BANP: variants seen among roughly 807,000 people sequenced by gnomAD.
BANP encodes protein BANP.
Under a neutral mutation model 68.1 loss-of-function variants are expected in BANP, and 11 were observed. The ratio of observed to expected loss-of-function variants is 0.16; its 90% CI spans 0.10 to 0.27. The LOEUF (loss-of-function observed/expected upper bound fraction) is 0.27, where lower values mean the gene tolerates loss of function less well. BANP is among the 10% of genes least tolerant of loss of function. The pLI, the probability that BANP is intolerant of heterozygous loss-of-function variation, is 1.00. For missense variants in BANP, 504 were observed against 722.7 expected (o/e 0.70, Z 3.47); for synonymous variants, 329 against 303.2 (o/e 1.09, Z -0.88).
At chr16:87,980,468 A>G (rs1473830835) in intron 2 of BANP, 1 of 152,914 alleles carries the variant, frequency 6.5e-6, no homozygotes, top group Non-Finnish European at 1.5e-5. Flanking sequence ...AGCCGTGACG[A>G]TCACCTGACG....
intron 11 of BANP, among the ~76,000 whole-genome samples, chr16:88,046,417 C>T (rs1034265185): frequency 1.3e-5 from 2 of 152,212 alleles, no homozygotes; most frequent in Non-Finnish European, 1.5e-5. Context: ...GTGAATTAAA[C>T]GGTTTGGTAA....
At chr16:88,075,141 T>A (rs969220021) in intron 13 of BANP, among the ~76,000 whole-genome samples, 14 of 151,240 alleles carry the variant, frequency 9.3e-5, no homozygotes, top group Non-Finnish European at 1.9e-4. Flanking sequence ...AGGTCAGGAG[T>A]TCGAGACCAG....
rs552282675 is a variant in BANP at position 87,980,064 on chromosome 16, C to T, written c.71-972C>T. Among the ~76,000 whole-genome samples the T allele has an allele frequency of 3.9e-5, 6 of 152,252 alleles. No homozygotes were observed. In the South Asian group the frequency reaches 6.2e-4, roughly 16 times the overall value. On this transcript the variant is annotated intron_variant, in intron 2 of 13. Transcript: ENST00000682872. ...GGTCTCGCACCTCCCACATGTATGC[C>T]GTTTGTTTATCTCAATGTGTGAGCA...
At chr16:88,008,835 C>T (rs1011062963) in intron 6 of BANP, among the ~76,000 whole-genome samples, 1 of 152,182 alleles carries the variant, frequency 6.6e-6, no homozygotes, top group African/African-American at 2.4e-5. Context: ...TTTTTCTCAT[C>T]TTAAATTTGA....
At chr16:87,972,160 T>A (rs1293571788) in intron 1 of BANP, among the ~76,000 whole-genome samples, 4 of 152,196 alleles carry the variant, frequency 2.6e-5, no homozygotes, top group Admixed American at 2.6e-4. Flanking sequence ...ATGTGCTACT[T>A]TTTCTTGAGC....
intron 2 of BANP, among the ~76,000 whole-genome samples, chr16:87,975,730 C>T (rs549927022): frequency 6.7e-6 from 1 of 148,180 alleles, no homozygotes; most frequent in Admixed American, 6.7e-5. Flanking sequence ...GTCATGGAAC[C>T]TTCCCATGTT....
At chr16:88,001,648 T>C (rs941029231) in intron 4 of BANP, among the ~76,000 whole-genome samples, 1 of 152,248 alleles carries the variant, frequency 6.6e-6, no homozygotes, top group Non-Finnish European at 1.5e-5. Flanking sequence ...ATAATATTGA[T>C]CTTTAAAAAC....
intron 11 of BANP, among the ~76,000 whole-genome samples, chr16:88,041,376 G>T (rs1476462202): frequency 2.6e-5 from 4 of 152,170 alleles, no homozygotes; most frequent in Non-Finnish European, 5.9e-5. Flanking sequence ...TGCTGCGTTG[G>T]TGTGACCCTG....
At chr16:87,979,614 G>C (rs1008332978) in intron 2 of BANP, among the ~76,000 whole-genome samples, 4 of 152,184 alleles carry the variant, frequency 2.6e-5, no homozygotes, top group Non-Finnish European at 5.9e-5. Context: ...CTGCTTGGCT[G>C]TGGTGTTGGT....
rs1418543312 is a variant in BANP, at chr16:88,071,430, C to T, written c.1378-639C>T. On this transcript the variant is annotated intron_variant, in intron 12 of 13. Coordinates refer to ENST00000682872, the MANE Select transcript of BANP (RefSeq NM_001386991.1). This position sits in a 1 kb window ranked among gnomAD's most constrained non-coding sequence, Gnocchi z 6.5. ...GAGCCCACCCAGGGGCCTCGCCTGTCCCCCATTCTCATTCCATACTCTGGG... is the reference window on the plus strand; with the variant it reads ...GAGCCCACCCAGGGGCCTCGCCTGTTCCCCATTCTCATTCCATACTCTGGG... The T allele has an allele frequency of 4.4e-6, 2 of 455,716 alleles. No homozygotes were observed. Among genetic ancestry groups the T allele is most frequent in the South Asian group, 1.6e-5 (1 of 64,512 alleles). 28.2% of individuals were successfully genotyped at this position (455,716 alleles called of 1,614,324 possible).
chr16:88,036,637 G>T lies in BANP; in HGVS notation c.1272+1243G>T, dbSNP rs1335256384. 2.6e-5 allele frequency among the ~76,000 whole-genome samples: 4 copies of T among 152,170 alleles called. No homozygotes were observed. The highest frequency in any genetic ancestry group is 4.8e-5 in the African/African-American group (2 of 41,430). On this transcript the variant is annotated intron_variant, in intron 10 of 13. Transcript: ENST00000682872. This position sits in a 1 kb window ranked among gnomAD's most constrained non-coding sequence, Gnocchi z 4.2. ...TCTGAGGGCGGAATGAGGATGAGGT[G>T]AAAGGGGAGGAACGAATTCATGTGG...
Position 88,018,782 on chromosome 16 carries a change from A to G in BANP, c.895+115A>G. 7.4e-7 allele frequency: 1 copy of G among 1,350,442 alleles called. No individual in the cohort carries two copies. The highest frequency in any genetic ancestry group is 9.9e-7 in the Non-Finnish European group (1 of 1,006,412). 83.7% of individuals were successfully genotyped at this position (1,350,442 alleles called of 1,614,324 possible). ...CACCGGCACGGGGCTGCGTTTCTCCAGGCGGTTTGAAATCTCAGCCCGAGG... is the reference window on the plus strand; with the variant it reads ...CACCGGCACGGGGCTGCGTTTCTCCGGGCGGTTTGAAATCTCAGCCCGAGG... On this transcript the variant is annotated intron_variant, in intron 7 of 13. Transcript: ENST00000682872. The surrounding 1 kb of genome is among the most constrained non-coding windows in gnomAD (Gnocchi z 7.7).
chr16:87,978,208 G>T (rs1212168413), intron 2 of BANP, among the ~76,000 whole-genome samples: 1 of 152,190 alleles, frequency 6.6e-6, no homozygotes, highest in African/African-American at 2.4e-5. Flanking sequence ...CAGAATTATA[G>T]AAAGGAACAC....
rs562556784 is a variant in BANP at position 88,076,291 on chromosome 16, G to A, written c.1522-299G>A. On this transcript the variant is annotated intron_variant, in intron 13 of 13. Coordinates refer to ENST00000682872, the MANE Select transcript of BANP (RefSeq NM_001386991.1). ...TACTTCCCAGTGAGGCAGCGGGTTG[G>A]GGGTGGAGAGGCAGGAGCAGCTGCT... 3.9e-5 allele frequency among the ~76,000 whole-genome samples: 6 copies of A among 152,292 alleles called. No homozygotes were observed. The East Asian group carries it at 7.7e-4, about 20-fold the overall frequency.
chr16:87,983,149 C>G lies in BANP; in HGVS notation c.163-911C>G, dbSNP rs145230384. ...TGGGCAGGAAAGGAGAGAGAAAAGA[C>G]GAAACACGAATTCTGTGCTGTTTTC... On this transcript the variant is annotated intron_variant, in intron 3 of 13. Transcript: ENST00000682872. Among the ~76,000 whole-genome samples, 557 of 152,256 alleles carry G rather than the reference C, an allele frequency of 3.7e-3. 3 individuals carry two copies. Among genetic ancestry groups the G allele is most frequent in the African/African-American group, 0.012 (513 of 41,542 alleles).
Position 88,048,017 on chromosome 16 carries a change from T to TG in BANP, c.1311+10009dup, listed in dbSNP as rs1271229862. ...GGAGGGCAGGAAAGCTGATGGGTGA[T>TG]GGGACGTGCAGGGCCGGCTCAAAGA... On this transcript the variant is annotated intron_variant, in intron 11 of 13. Transcript: ENST00000682872. 2.6e-5 allele frequency among the ~76,000 whole-genome samples: 4 copies of TG among 152,348 alleles called. No individual in the cohort carries two copies. In the East Asian group the frequency reaches 5.8e-4, roughly 22 times the overall value.
chr16:87,955,686 C>T (rs1490702032), intron 1 of BANP, among the ~76,000 whole-genome samples: 2 of 151,934 alleles, frequency 1.3e-5, no homozygotes, highest in Non-Finnish European at 2.9e-5. Context: ...ATACACGTCA[C>T]AAAGGGAAAA....
Position 87,971,736 on chromosome 16 carries a change from G to A in BANP, c.-68-3312G>A, listed in dbSNP as rs184316193. Among the ~76,000 whole-genome samples the A allele has an allele frequency of 1.4e-4, 21 of 151,916 alleles. No homozygotes were observed. The East Asian group carries it at 2.9e-3, about 21-fold the overall frequency. On this transcript the variant is annotated intron_variant, in intron 1 of 13. Transcript: ENST00000682872. ...TAACGAGTAGTTTCAAGCACCCTCC[G>A]TCCTGTTTTCTGGAGAGCTTTCTTG...
At chr16:87,966,571 C>G (rs1597836080) in intron 1 of BANP, 1 of 152,278 alleles carries the variant, frequency 6.6e-6, no homozygotes, top group East Asian at 1.9e-4. Flanking sequence ...GTAAACAACT[C>G]GAATAATGTG....
Sources: allele counts gnomAD v4.1 joint callset (sites outside exome capture counted in the v4.1 genomes callset), GRCh38; gene constraint gnomAD v4.1.1; non-coding constraint Gnocchi (gnomAD v3.1); transcripts MANE v1.5; gene names NCBI Gene and HGNC (gene_info 2026-07-23, HGNC 2026-07-21).